The following NCOR2 variants were observed in gnomAD, a reference collection of about 807,000 sequenced individuals.
The protein encoded by NCOR2 is nuclear receptor corepressor 2.
NCOR2 carries 81 observed loss-of-function variants against 262.9 expected under a neutral mutation model. The observed-to-expected ratio is 0.31, with a 90% CI of 0.26 to 0.37. NCOR2 has a LOEUF of 0.37. NCOR2 is among the 10% of genes least tolerant of loss of function. The probability of loss-of-function intolerance (pLI) is 1.00; values close to 1 mark genes in which losing one functional copy is unlikely to be tolerated. For synonymous variants in NCOR2, 1,659 were observed against 1,559.3 expected, an observed-to-expected ratio of 1.06 and a Z score of -1.51; for missense variants, 3,385 against 3,621.4, an observed-to-expected ratio of 0.93 and a Z score of 1.68.
chr12:124,521,287 G>C (rs1166120772), intron 1 of NCOR2, among the ~76,000 whole-genome samples: 1 of 152,198 alleles, frequency 6.6e-6, no homozygotes. Context: ...AGACAGCACC[G>C]TGAGCCAGAC....
rs7305654 is a variant in NCOR2 at position 124,523,651 on chromosome 12, C to A, written c.-118+11914G>T. On this transcript the variant is annotated intron_variant, in intron 1 of 46. Coordinates refer to the NCOR2 transcript ENST00000404621. This position sits in a 1 kb window ranked among gnomAD's most constrained non-coding sequence, Gnocchi z 4.0. Reference sequence around the variant, plus strand: ...GCTGATGAACTAAAAAAAAAAAAAACAAAAAACCGAAAAACAATCTGTTTT... The same window carrying A: ...GCTGATGAACTAAAAAAAAAAAAAAAAAAAAACCGAAAAACAATCTGTTTT... 2.0e-3 allele frequency among the ~76,000 whole-genome samples: 251 copies of A among 126,322 alleles called. No homozygotes were observed. The highest frequency in any genetic ancestry group is 4.5e-3 in the East Asian group (18 of 3,972). The allele number at this position is 126,322 out of a possible 152,430, so 82.9% of individuals were successfully genotyped here. A position where few individuals can be genotyped will look rare whatever the true frequency, so the allele number is the denominator to read the frequency against.
chr12:124,386,014 A>G lies in NCOR2; in HGVS notation c.1877-127T>C, dbSNP rs943175552. 37 of 1,200,718 alleles carry G rather than the reference A, an allele frequency of 3.1e-5. No homozygotes were observed. The African/African-American group carries it at 5.4e-4, about 17-fold the overall frequency. 74.4% of individuals were successfully genotyped at this position (1,200,718 alleles called of 1,614,324 possible). ...AGCCTGGGGCTCCCTGCTCAGGCCC[A>G]GGACCTCTGGAAGAAGAGACAGTGA... On this transcript the variant is annotated intron_variant, in intron 16 of 46. Coordinates refer to ENST00000405201, the Ensembl canonical transcript of NCOR2.
In NCOR2 at chr12:124,389,841, G is replaced by A. The variant is rs193240386; in HGVS notation, c.1877-3954C>T. ...ACAGCTGCCCCTTTCGTCCTCCTCC[G>A]AGAGCCCCTGCAGCCGTGAAGGAAC... On this transcript the variant is annotated intron_variant, in intron 16 of 46. Transcript: ENST00000405201. This position sits in a 1 kb window ranked among gnomAD's most constrained non-coding sequence, Gnocchi z 4.4. 3.9e-5 allele frequency among the ~76,000 whole-genome samples: 6 copies of A among 152,226 alleles called. No individual in the cohort carries two copies. Among genetic ancestry groups the A allele is most frequent in the East Asian group, 1.9e-4 (1 of 5,158 alleles).
chr12:124,437,195 A>C (rs1344073879), intron 8 of NCOR2, among the ~76,000 whole-genome samples: 1 of 152,260 alleles, frequency 6.6e-6, no homozygotes, highest in Non-Finnish European at 1.5e-5. Flanking sequence ...CACCCAACAG[A>C]CATTTCCAGC....
At chr12:124,536,180 G>A (rs546190790), upstream of NCOR2, among the ~76,000 whole-genome samples, 4 of 152,148 alleles carry the variant, frequency 2.6e-5, no homozygotes, top group African/African-American at 9.6e-5. Flanking sequence ...ACCCTAAGGC[G>A]ATCCTCCCAC....
In NCOR2 at chr12:124,444,305, G is replaced by T. The variant is rs189074751; in HGVS notation, c.815+5510C>A. Among the ~76,000 whole-genome samples the T allele has an allele frequency of 3.7e-4, 56 of 152,252 alleles. 2 individuals are homozygous for T. The East Asian group carries it at 6.4e-3, about 17-fold the overall frequency. On this transcript the variant is annotated intron_variant, in intron 7 of 46. Transcript: ENST00000405201. Reference sequence around the variant, plus strand: ...GGTAGAGGCACTCATGGGGTGCAAAGAAGTCAGGGTTTAAAAACACACACC... The same window carrying T: ...GGTAGAGGCACTCATGGGGTGCAAATAAGTCAGGGTTTAAAAACACACACC...
chr12:124,427,851 A>G (rs2043645505), intron 10 of NCOR2, among the ~76,000 whole-genome samples: 1 of 152,106 alleles, frequency 6.6e-6, no homozygotes, highest in Admixed American at 6.5e-5. Flanking sequence ...CTCTGACCAC[A>G]GGAAGCTCCC....
intron 25 of NCOR2, 97 bp downstream of exon 27, chr12:124,354,740 G>A: frequency 7.5e-7 from 1 of 1,341,668 alleles, no homozygotes; most frequent in Non-Finnish European, 1.0e-6. Flanking sequence ...GCTACCTGGA[G>A]TACCGTGGGC....
Position 124,566,087 on chromosome 12 carries a change from C to T in NCOR2, c.-165+1221G>A, listed in dbSNP as rs1338356880. Among the ~76,000 whole-genome samples the T allele has an allele frequency of 6.6e-6, 1 of 152,210 alleles. No homozygotes were observed. Among genetic ancestry groups the T allele is most frequent in the African/African-American group, 2.4e-5 (1 of 41,452 alleles). ...ACATCCCAACGCGCCCAGAACTCCC[C>T]CACCCCGCCCACAGGGTCCTCCCCT... On this transcript the variant is annotated intron_variant, in intron 1 of 32. Transcript: ENST00000458234. This position sits in a 1 kb window ranked among gnomAD's most constrained non-coding sequence, Gnocchi z 4.3.
intron 16 of NCOR2, chr12:124,388,631 T>A: frequency 7.7e-7 from 1 of 1,300,294 alleles, no homozygotes; most frequent in African/African-American, 1.5e-5. Context: ...CACGTTGCGG[T>A]CCCTGTCCCT....
chr12:124,446,186 G>T (rs10846674), intron 7 of NCOR2, among the ~76,000 whole-genome samples: 3 of 152,008 alleles, frequency 2.0e-5, no homozygotes, highest in Non-Finnish European at 4.4e-5. Context: ...CAGATTTCCT[G>T]AACATTATGC....
intron 40 of NCOR2, 171 bp downstream of exon 42, chr12:124,334,964 G>A (rs893211285): frequency 1.0e-5 from 10 of 966,716 alleles, no homozygotes; most frequent in African/African-American, 3.2e-5. Context: ...GCCGGTGCTC[G>A]GGGCTTTGGG....
chr12:124,469,725 G>T (rs1234032072), intron 4 of NCOR2, among the ~76,000 whole-genome samples: 1 of 152,218 alleles, frequency 6.6e-6, no homozygotes, highest in African/African-American at 2.4e-5. Flanking sequence ...TTGTTTGGAA[G>T]ATCAAGGAGA....
Position 124,325,603 on chromosome 12 carries a change from A to G in NCOR2, c.7364-20T>C, listed in dbSNP as rs779690151. The G allele has an allele frequency of 3.2e-6, 4 of 1,267,372 alleles. No individual in the cohort carries two copies. Among genetic ancestry groups the G allele is most frequent in the Non-Finnish European group, 4.0e-6 (4 of 997,014 alleles). 78.5% of individuals were successfully genotyped at this position (1,267,372 alleles called of 1,614,324 possible). On this transcript the variant is annotated intron_variant, in intron 46 of 46. Coordinates refer to ENST00000405201, the Ensembl canonical transcript of NCOR2. ...TGGAACCTGCGGGAAGAAGCGAAAG[A>G]TGCCCAGGAGGCCTCTGTGAGCCCG...
chr12:124,360,501 T>C (rs1299653034), intron 22 of NCOR2, among the ~76,000 whole-genome samples: 2 of 152,138 alleles, frequency 1.3e-5, no homozygotes, highest in Non-Finnish European at 2.9e-5. Context: ...CTTTCCAAGA[T>C]ACAAATCAGA....
At chr12:124,346,751 C>T (rs1374909069) in exon 31 of NCOR2, 12 of 1,558,786 alleles carry the variant, frequency 7.7e-6, no homozygotes, top group African/African-American at 4.1e-5. Context: ...GGTCAGGTCC[C>T]GTGAGGGCGG....
chr12:124,421,212 C>T (rs536999391), intron 12 of NCOR2, among the ~76,000 whole-genome samples: 6 of 152,350 alleles, frequency 3.9e-5, no homozygotes, highest in Admixed American at 1.3e-4. Flanking sequence ...CCGGCCTCTC[C>T]GTTGGCAGCT....
At chr12:124,379,849 G>A (rs1401540450) in intron 17 of NCOR2, among the ~76,000 whole-genome samples, 2 of 152,260 alleles carry the variant, frequency 1.3e-5, no homozygotes, top group Non-Finnish European at 2.9e-5. Flanking sequence ...TCAGGGACAC[G>A]AAGGCCCTGT....
intron 33 of NCOR2, among the ~76,000 whole-genome samples, chr12:124,342,512 G>A (rs2036537429): frequency 6.6e-6 from 1 of 152,162 alleles, no homozygotes; most frequent in Non-Finnish European, 1.5e-5. Context: ...TGGGACTACA[G>A]GCGCCCGCCA....
Sources: allele counts gnomAD v4.1 joint callset (sites outside exome capture counted in the v4.1 genomes callset), GRCh38; gene constraint gnomAD v4.1.1; non-coding constraint Gnocchi (gnomAD v3.1); transcripts MANE v1.5; gene names NCBI Gene and HGNC (gene_info 2026-07-23, HGNC 2026-07-21).